NRG1: variants seen among roughly 807,000 people sequenced by gnomAD.
NRG1 encodes neuregulin 1.
Under a neutral mutation model 63.8 loss-of-function variants are expected in NRG1, and 18 were observed. The observed-to-expected ratio is 0.28, with a 90% CI of 0.19 to 0.42. The LOEUF is 0.42. Ranked by LOEUF, NRG1 falls within the 10% of genes least tolerant of loss-of-function variation. The pLI, the probability that NRG1 is intolerant of heterozygous loss-of-function variation, is 1.00. For missense variants in NRG1, 762 were observed against 814.7 expected, an observed-to-expected ratio of 0.94 and a Z score of 0.79; for synonymous variants, 302 against 301.3, an observed-to-expected ratio of 1.00 and a Z score of -0.02.
At chr8:32,374,795 T>A (rs1187202325) in intron 1 of NRG1, among the ~76,000 whole-genome samples, 1 of 152,118 alleles carries the variant, frequency 6.6e-6, no homozygotes, top group Non-Finnish European at 1.5e-5. Context: ...AATTTAAAGT[T>A]ACTAAGAAAA....
At chr8:32,767,487 C>T (rs989411865) in exon 12 of NRG1, 7 of 152,184 alleles carry the variant, frequency 4.6e-5, no homozygotes, top group Non-Finnish European at 8.8e-5. Flanking sequence ...GGCCACATAT[C>T]ACAAGTTCTA....
At chr8:32,749,125 AAATT>A (rs982532884) in intron 7 of NRG1, 15 of 159,068 alleles carry the variant, frequency 9.4e-5, no homozygotes, top group Admixed American at 3.1e-4. Context: ...CTTTGGGTAA[AAATT>A]AATTAATTAA....
chr8:32,364,755 C>T (rs1037743521), intron 1 of NRG1, among the ~76,000 whole-genome samples: 9 of 151,906 alleles, frequency 5.9e-5, no homozygotes, highest in African/African-American at 2.2e-4. Context: ...TACATTGCCC[C>T]CTTTAAAGTT....
chr8:32,083,724 GA>G lies in NRG1; in HGVS notation c.37+444294del, dbSNP rs1827828846. On this transcript the variant is annotated intron_variant, in intron 1 of 10. Transcript: ENST00000519301. ...TAACAGGTCAGCAACAAAATAATGGGAGGGGGAAATTAGAAAACATTAAGTC... is the reference window on the plus strand; with the variant it reads ...TAACAGGTCAGCAACAAAATAATGGGGGGGGAAATTAGAAAACATTAAGTC... Among the ~76,000 whole-genome samples the G allele has an allele frequency of 6.6e-5, 10 of 152,080 alleles. 2 individuals carry two copies. The highest frequency in any genetic ancestry group is 6.6e-5 in the Admixed American group (1 of 15,264).
At chr8:31,724,716 A>C (rs1813254618) in intron 1 of NRG1, among the ~76,000 whole-genome samples, 2 of 152,114 alleles carry the variant, frequency 1.3e-5, no homozygotes, top group Non-Finnish European at 2.9e-5. Flanking sequence ...AATATGAATA[A>C]ATTCTTCACA....
At chr8:32,660,107 A>C (rs2128872376) in intron 5 of NRG1, among the ~76,000 whole-genome samples, 1 of 152,316 alleles carries the variant, frequency 6.6e-6, no homozygotes, top group Non-Finnish European at 1.5e-5. Flanking sequence ...GAGCATCCCA[A>C]ATATGAAAAT....
intron 1 of NRG1, among the ~76,000 whole-genome samples, chr8:32,298,624 G>A (rs1479808790): frequency 6.7e-6 from 1 of 149,382 alleles, no homozygotes; most frequent in African/African-American, 2.5e-5. Flanking sequence ...TGAGGCAGGA[G>A]AATCGCTTGA....
At chr8:32,419,433 T>C (rs1816388244) in intron 1 of NRG1, among the ~76,000 whole-genome samples, 1 of 152,206 alleles carries the variant, frequency 6.6e-6, no homozygotes, top group Non-Finnish European at 1.5e-5. Flanking sequence ...ATGTGTTTTC[T>C]ATGCCGCTGT....
At chr8:32,281,988 T>G (rs1158798978) in intron 1 of NRG1, among the ~76,000 whole-genome samples, 2 of 152,130 alleles carry the variant, frequency 1.3e-5, no homozygotes, top group Non-Finnish European at 2.9e-5. Context: ...ATTCTGAGGC[T>G]TTAAGCTTCA....
intron 1 of NRG1, among the ~76,000 whole-genome samples, chr8:32,425,515 T>G (rs2129486391): frequency 6.6e-6 from 1 of 152,282 alleles, no homozygotes; most frequent in Non-Finnish European, 1.5e-5. Flanking sequence ...TCTATTTTTA[T>G]AAATAAAGTT....
chr8:31,816,480 G>A (rs528850102), intron 1 of NRG1, among the ~76,000 whole-genome samples: 26 of 152,208 alleles, frequency 1.7e-4, no homozygotes, highest in African/African-American at 6.3e-4. Context: ...TCAACATTTA[G>A]AAACACTTAC....
chr8:32,640,288 C>T (rs904176283), intron 5 of NRG1, among the ~76,000 whole-genome samples: 48 of 148,382 alleles, frequency 3.2e-4, no homozygotes, highest in African/African-American at 1.2e-3. Flanking sequence ...CGCACACACA[C>T]CACACAGTAA....
chr8:32,675,830 T>C (rs1291284003), intron 5 of NRG1, among the ~76,000 whole-genome samples: 1 of 152,210 alleles, frequency 6.6e-6, no homozygotes, highest in Non-Finnish European at 1.5e-5. Flanking sequence ...GTTTATTAAT[T>C]ATTTGATTAA....
intron 1 of NRG1, among the ~76,000 whole-genome samples, chr8:32,492,418 T>A (rs894756119): frequency 8.4e-6 from 1 of 119,034 alleles, no homozygotes; most frequent in Non-Finnish European, 1.7e-5. Flanking sequence ...TTTCTTCCCT[T>A]TCATCTTTTT....
At chr8:32,622,963 T>G (rs931796349) in intron 5 of NRG1, among the ~76,000 whole-genome samples, 3 of 152,242 alleles carry the variant, frequency 2.0e-5, no homozygotes, top group African/African-American at 7.2e-5. Flanking sequence ...GCCTAAGTGA[T>G]GATGCTGACA....
intron 1 of NRG1, among the ~76,000 whole-genome samples, chr8:31,748,166 C>G (rs1008447515): frequency 6.6e-6 from 1 of 151,914 alleles, no homozygotes; most frequent in African/African-American, 2.4e-5. Flanking sequence ...TCTTTTCATA[C>G]TAAAAAGGTT....
At chr8:32,008,985 G>A (rs1814269695) in intron 1 of NRG1, among the ~76,000 whole-genome samples, 4 of 151,984 alleles carry the variant, frequency 2.6e-5, no homozygotes. Context: ...GGTCACAGGT[G>A]GGATATTTTT....
At chr8:31,744,721 A>G (rs1358920120) in intron 1 of NRG1, among the ~76,000 whole-genome samples, 1 of 152,010 alleles carries the variant, frequency 6.6e-6, no homozygotes, top group Non-Finnish European at 1.5e-5. Flanking sequence ...AAACACACAC[A>G]GGAAGCTGTG....
intron 1 of NRG1, among the ~76,000 whole-genome samples, chr8:32,343,352 C>G (rs925614850): frequency 4.9e-4 from 75 of 152,076 alleles, no homozygotes; most frequent in Non-Finnish European, 1.8e-4. Context: ...TAATTATGTG[C>G]GAACCTTGGA....
Sources: gnomAD v4.1 joint callset for allele counts (sites outside exome capture counted in the v4.1 genomes callset) on GRCh38, gnomAD v4.1.1 for gene constraint, MANE v1.5 for transcripts, NCBI Gene and HGNC (gene_info 2026-07-23, HGNC 2026-07-21) for gene names.